MAP4K3: variants seen among roughly 807,000 people sequenced by gnomAD.
The protein encoded by MAP4K3 is mitogen-activated protein kinase kinase kinase kinase 3, also known as MAPK/ERK kinase kinase kinase 3.
Under a neutral mutation model 143.5 loss-of-function variants are expected in MAP4K3, and 94 were observed. That is an observed-to-expected ratio of 0.65 (90% CI 0.55 to 0.78). The LOEUF (loss-of-function observed/expected upper bound fraction) is 0.78, where lower values mean the gene tolerates loss of function less well. Ranked by LOEUF, MAP4K3 falls within the 30% of genes least tolerant of loss-of-function variation. The pLI is 0.00. For missense variants in MAP4K3, 1,077 were observed against 1,068.1 expected, an observed-to-expected ratio of 1.01 and a Z score of -0.12; for synonymous variants, 416 against 347.2, an observed-to-expected ratio of 1.20 and a Z score of -2.20.
intron 1 of MAP4K3, among the ~76,000 whole-genome samples, chr2:39,423,581 A>T (rs1664960066): frequency 6.6e-6 from 1 of 152,236 alleles, no homozygotes; most frequent in Non-Finnish European, 1.5e-5. Context: ...ATTATTCAGT[A>T]ATTTTTAAAA....
chr2:39,361,336 T>A (rs1311688061), intron 2 of MAP4K3, among the ~76,000 whole-genome samples: 2 of 152,142 alleles, frequency 1.3e-5, no homozygotes, highest in Non-Finnish European at 2.9e-5. Context: ...GTACCACACT[T>A]AACATATTAT....
At chr2:39,277,059 C>CA (rs1681288239) in intron 24 of MAP4K3, among the ~76,000 whole-genome samples, 2 of 152,206 alleles carry the variant, frequency 1.3e-5, no homozygotes, top group South Asian at 4.1e-4. Context: ...CTGTTCTCTA[C>CA]CTTTGCCCTG....
At chr2:39,411,973 A>G (rs1436950833) in intron 1 of MAP4K3, among the ~76,000 whole-genome samples, 1 of 152,176 alleles carries the variant, frequency 6.6e-6, no homozygotes, top group African/African-American at 2.4e-5. Context: ...TGACCATATC[A>G]TTTTACAAGG....
At chr2:39,314,075 G>C (rs1200065343) in intron 13 of MAP4K3, among the ~76,000 whole-genome samples, 1 of 151,882 alleles carries the variant, frequency 6.6e-6, no homozygotes, top group Non-Finnish European at 1.5e-5. Context: ...CTTTGCCCAG[G>C]CTGGAGTGCA....
chr2:39,302,055 TAAAG>T (rs926220719), intron 15 of MAP4K3, among the ~76,000 whole-genome samples: 9 of 150,922 alleles, frequency 6.0e-5, no homozygotes, highest in South Asian at 4.2e-4. Flanking sequence ...TAAAAAAAAA[TAAAG>T]AAAATAAACT....
intron 12 of MAP4K3, among the ~76,000 whole-genome samples, chr2:39,324,368 T>C (rs1683417328): frequency 1.3e-5 from 2 of 151,746 alleles, no homozygotes; most frequent in Admixed American, 1.3e-4. Context: ...GAGCATGCCA[T>C]TGCACTCCAG....
rs116578303 is a variant in MAP4K3, at chr2:39,303,994, T to C, written c.1119+3949A>G. On this transcript the variant is annotated intron_variant, in intron 15 of 33. Coordinates refer to ENST00000263881, the MANE Select transcript of MAP4K3 (RefSeq NM_003618.4). Reference sequence around the variant, plus strand: ...TAATCTGCAGATAGCATTTTGCAGATCAGACAAACTGATTTTTATGGTTAT... The same window carrying C: ...TAATCTGCAGATAGCATTTTGCAGACCAGACAAACTGATTTTTATGGTTAT... Among the ~76,000 whole-genome samples the C allele has an allele frequency of 6.6e-3, 1,013 of 152,338 alleles. 16 individuals are homozygous for C. Among genetic ancestry groups the C allele is most frequent in the African/African-American group, 0.023 (963 of 41,580 alleles).
chr2:39,350,018 T>G (rs1573184148), intron 3 of MAP4K3, among the ~76,000 whole-genome samples: 1 of 152,304 alleles, frequency 6.6e-6, no homozygotes, highest in East Asian at 1.9e-4. Flanking sequence ...TGGCAAAGCC[T>G]GGATACATTT....
At chr2:39,424,400 G>A (rs1664994898) in intron 1 of MAP4K3, among the ~76,000 whole-genome samples, 1 of 152,126 alleles carries the variant, frequency 6.6e-6, no homozygotes, top group African/African-American at 2.4e-5. Context: ...CTAGGTGCTT[G>A]GGGATTTTAA....
At chr2:39,323,210 TTAC>T (rs1683375086) in intron 12 of MAP4K3, 1 of 152,336 alleles carries the variant, frequency 6.6e-6, no homozygotes, top group Admixed American at 6.5e-5. Flanking sequence ...TTTTACCTAC[TTAC>T]CATAGAGATT....
intron 4 of MAP4K3, among the ~76,000 whole-genome samples, chr2:39,341,864 T>C (rs947171055): frequency 6.6e-6 from 1 of 152,042 alleles, no homozygotes; most frequent in African/African-American, 2.4e-5. Context: ...GAAATCAAAA[T>C]GCCACAAATA....
At chr2:39,346,611 C>A (rs916053455) in intron 3 of MAP4K3, among the ~76,000 whole-genome samples, 16 of 152,172 alleles carry the variant, frequency 1.1e-4, no homozygotes, top group Non-Finnish European at 2.2e-4. Flanking sequence ...CACCTCTCCA[C>A]TCCTGCTCCC....
At chr2:39,365,002 G>C (rs1665880985) in intron 2 of MAP4K3, among the ~76,000 whole-genome samples, 1 of 152,034 alleles carries the variant, frequency 6.6e-6, no homozygotes, top group Non-Finnish European at 1.5e-5. Flanking sequence ...TCCTGGATCA[G>C]GAAAAAGACC....
At position 39,280,268 on chromosome 2, in the gene MAP4K3, C is replaced by A; in HGVS notation, c.1714+4G>T. On this transcript the variant is annotated splice_donor_region_variant and intron_variant, in intron 23 of 33. Coordinates refer to ENST00000263881, the MANE Select transcript of MAP4K3 (RefSeq NM_003618.4). ...AGATAACAGATAAAAACACACAATA[C>A]TACCTCTTGTATCTGGGTTTATCCA... 1 of 1,533,884 alleles carries A rather than the reference C, an allele frequency of 6.5e-7. No homozygotes were observed. The highest frequency in any genetic ancestry group is 1.3e-5 in the South Asian group (1 of 77,492).
At chr2:39,327,661 C>T (rs1289623761) in intron 8 of MAP4K3, among the ~76,000 whole-genome samples, 1 of 152,136 alleles carries the variant, frequency 6.6e-6, no homozygotes, top group African/African-American at 2.4e-5. Flanking sequence ...ACTTTCAAAA[C>T]CCCTGGTCTT....
chr2:39,282,135 C>T (rs2148467102), intron 22 of MAP4K3, among the ~76,000 whole-genome samples: 1 of 149,086 alleles, frequency 6.7e-6, no homozygotes, highest in South Asian at 2.1e-4. Context: ...GTGGAGCTTG[C>T]AATGAGCTGA....
At chr2:39,382,037 G>A (rs570260029) in intron 1 of MAP4K3, among the ~76,000 whole-genome samples, 12 of 152,338 alleles carry the variant, frequency 7.9e-5, no homozygotes, top group African/African-American at 2.9e-4. Context: ...TCGGCTTAGA[G>A]GGGCTCTGGG....
chr2:39,279,054 C>T (rs535544824), intron 23 of MAP4K3, among the ~76,000 whole-genome samples: 1 of 152,068 alleles, frequency 6.6e-6, no homozygotes, highest in South Asian at 2.1e-4. Flanking sequence ...GTTTGTTTCC[C>T]AGAGCAGGAG....
intron 24 of MAP4K3, among the ~76,000 whole-genome samples, chr2:39,274,936 T>C (rs996328739): frequency 6.6e-6 from 1 of 152,190 alleles, no homozygotes; most frequent in African/African-American, 2.4e-5. Flanking sequence ...CCCTATTTAG[T>C]AGGCTCACGC....
Sources: allele counts gnomAD v4.1 joint callset (sites outside exome capture counted in the v4.1 genomes callset), GRCh38; gene constraint gnomAD v4.1.1; transcripts MANE v1.5; gene names NCBI Gene and HGNC (gene_info 2026-07-23, HGNC 2026-07-21).